Variants in SGK1 observed in about 807,000 individuals in gnomAD.
SGK1 encodes serine/threonine-protein kinase Sgk1.
A neutral mutation model predicts 64.2 loss-of-function variants in SGK1; 26 were observed. The observed-to-expected ratio is 0.40, with a 90% confidence interval of 0.30 to 0.56. SGK1 has a LOEUF of 0.56. Among genes scored for constraint, SGK1 ranks in the 20% least tolerant of loss-of-function variants. The pLI, the probability that SGK1 is intolerant of heterozygous loss-of-function variation, is 0.38. For synonymous variants in SGK1, 265 were observed against 239.7 expected (o/e 1.11, Z -0.98); for missense variants, 519 against 645.6 (o/e 0.80, Z 2.12).
intron 2 of SGK1, among the ~76,000 whole-genome samples, chr6:134,254,460 A>G (rs1170602319): frequency 6.6e-6 from 1 of 152,142 alleles, no homozygotes; most frequent in Admixed American, 6.6e-5. Flanking sequence ...CTGGCTTCCT[A>G]TCAATAGGGT....
chr6:134,248,835 T>C (rs1776564329), intron 2 of SGK1, among the ~76,000 whole-genome samples: 1 of 152,180 alleles, frequency 6.6e-6, no homozygotes, highest in Non-Finnish European at 1.5e-5. Flanking sequence ...TTATAATCCA[T>C]TGCCTCACAT....
At chr6:134,172,615 GTC>G (rs775810919) in intron 9 of SGK1, 45 bp downstream of exon 9, 1 of 1,248,364 alleles carries the variant, frequency 8.0e-7, no homozygotes, top group Non-Finnish European at 1.2e-6. Context: ...CCAGTGCTAC[GTC>G]TCCTTTATAC....
intron 2 of SGK1, among the ~76,000 whole-genome samples, chr6:134,243,416 C>T (rs1425876157): frequency 6.6e-6 from 1 of 152,088 alleles, no homozygotes; most frequent in Non-Finnish European, 1.5e-5. Context: ...GTTGCCCAGG[C>T]TGGAGTGCAA....
chr6:134,252,261 G>A (rs1776616682), intron 2 of SGK1, among the ~76,000 whole-genome samples: 1 of 152,132 alleles, frequency 6.6e-6, no homozygotes, highest in African/African-American at 2.4e-5. Context: ...CTGGCTCTAG[G>A]AGCCCCAGGA....
intron 3 of SGK1, among the ~76,000 whole-genome samples, chr6:134,203,132 AC>A (rs1436673592): frequency 3.3e-5 from 5 of 152,100 alleles, no homozygotes; most frequent in African/African-American, 1.2e-4. Context: ...TAATCCCACT[AC>A]CTGGGAGGCT....
chr6:134,216,505 TAA>T (rs1006407521), intron 2 of SGK1, among the ~76,000 whole-genome samples: 1 of 152,206 alleles, frequency 6.6e-6, no homozygotes, highest in Non-Finnish European at 1.5e-5. Context: ...ATCTATGAGA[TAA>T]AAGAGTCTTC....
intron 3 of SGK1, among the ~76,000 whole-genome samples, chr6:134,194,319 G>A (rs560891320): frequency 1.1e-4 from 17 of 152,008 alleles, no homozygotes; most frequent in Non-Finnish European, 1.8e-4. Flanking sequence ...CTGATCAGAC[G>A]ATGCCCAAAT....
chr6:134,268,076 A>G (rs1252982491), intron 1 of SGK1, among the ~76,000 whole-genome samples: 4 of 152,222 alleles, frequency 2.6e-5, no homozygotes, highest in African/African-American at 4.8e-5. Flanking sequence ...CAGTGAATGC[A>G]CAGGAGTTAG....
chr6:134,172,637 T>TG, intron 9 of SGK1, 25 bp downstream of exon 9: 3 of 1,416,984 alleles, frequency 2.1e-6, no homozygotes, highest in Non-Finnish European at 3.0e-6. Flanking sequence ...CCAAAACTGG[T>TG]AGCCTGAAGA....
chr6:134,194,326 A>C (rs1775563739), intron 3 of SGK1, among the ~76,000 whole-genome samples: 1 of 152,154 alleles, frequency 6.6e-6, no homozygotes, highest in Non-Finnish European at 1.5e-5. Context: ...GACGATGCCC[A>C]AATAAGGCAA....
chr6:134,181,426 C>G (rs565543647), intron 3 of SGK1, among the ~76,000 whole-genome samples: 1 of 152,128 alleles, frequency 6.6e-6, no homozygotes, highest in Non-Finnish European at 1.5e-5. Flanking sequence ...CTCACTGCAC[C>G]CTCTGCTTCC....
intron 1 of SGK1, among the ~76,000 whole-genome samples, chr6:134,301,282 G>A (rs1484373666): frequency 6.6e-6 from 1 of 152,174 alleles, no homozygotes; most frequent in Non-Finnish European, 1.5e-5. Flanking sequence ...GGGAAAGTGA[G>A]AAAGATGGAG....
intron 2 of SGK1, chr6:134,259,940 A>T (rs1035946996): frequency 6.6e-6 from 1 of 152,242 alleles, no homozygotes; most frequent in African/African-American, 2.4e-5. Context: ...ACAGAGTCAC[A>T]GGCTTAGCTA....
intron 2 of SGK1, among the ~76,000 whole-genome samples, chr6:134,253,424 GC>G (rs1776634890): frequency 6.6e-6 from 1 of 151,530 alleles, no homozygotes; most frequent in African/African-American, 2.4e-5. Context: ...ATGAGCCACC[GC>G]GCCCAGCTGA....
chr6:134,303,907 CGTTTT>C (rs775996630), intron 1 of SGK1, among the ~76,000 whole-genome samples: 12 of 152,144 alleles, frequency 7.9e-5, no homozygotes, highest in African/African-American at 2.2e-4. Context: ...GGCCCAATGA[CGTTTT>C]GTTTTGTTTT....
At chr6:134,173,864 T>A in intron 5 of SGK1, 141 bp downstream of exon 5, 1 of 664,096 alleles carries the variant, frequency 1.5e-6, no homozygotes, top group Non-Finnish European at 2.6e-6. Context: ...ACTTAAATAT[T>A]TATATCACTT....
At chr6:134,212,305 A>G (rs2114691947) in intron 2 of SGK1, among the ~76,000 whole-genome samples, 1 of 152,196 alleles carries the variant, frequency 6.6e-6, no homozygotes, top group South Asian at 2.1e-4. Context: ...CACCCGCTTC[A>G]GCCTCCCAAA....
intron 2 of SGK1, among the ~76,000 whole-genome samples, chr6:134,231,087 G>A (rs546354091): frequency 6.6e-6 from 1 of 152,308 alleles, no homozygotes; most frequent in South Asian, 2.1e-4. Context: ...TACTCAAGAG[G>A]TTAAGGTGGA....
At chr6:134,182,494 T>TAA (rs755543891) in intron 3 of SGK1, among the ~76,000 whole-genome samples, 40 of 136,760 alleles carry the variant, frequency 2.9e-4, no homozygotes, top group African/African-American at 9.9e-4. Flanking sequence ...AGACTCCGTC[T>TAA]AAAAAAAAAA....
Sources: gnomAD v4.1 joint callset for allele counts (sites outside exome capture counted in the v4.1 genomes callset) on GRCh38, gnomAD v4.1.1 for gene constraint, MANE v1.5 for transcripts, NCBI Gene and HGNC (gene_info 2026-07-23, HGNC 2026-07-21) for gene names.